BMPR1B: variants seen among roughly 807,000 people sequenced by gnomAD.
The protein encoded by BMPR1B is bone morphogenetic protein receptor type-1B.
In BMPR1B, 12 loss-of-function variants were observed where a neutral mutation model predicts 59.1. The observed-to-expected ratio is 0.20, with a 90% CI of 0.13 to 0.33. The LOEUF (loss-of-function observed/expected upper bound fraction) is 0.33, where lower values mean the gene tolerates loss of function less well. BMPR1B is among the 10% of genes least tolerant of loss of function. The probability of loss-of-function intolerance (pLI) is 1.00; values close to 1 mark genes in which losing one functional copy is unlikely to be tolerated. For synonymous variants in BMPR1B, 237 were observed against 207.3 expected, an observed-to-expected ratio of 1.14 and a Z score of -1.23; for missense variants, 550 against 610.9, an observed-to-expected ratio of 0.90 and a Z score of 1.05.
chr4:94,795,526 G>A (rs1294668984), intron 1 of BMPR1B, among the ~76,000 whole-genome samples: 3 of 151,872 alleles, frequency 2.0e-5, no homozygotes, highest in African/African-American at 7.3e-5. Context: ...GTGCAGTGGC[G>A]TGATCTCAGC....
chr4:94,865,153 G>T lies in BMPR1B; in HGVS notation c.-182-10678G>T, dbSNP rs185893005. On this transcript the variant is annotated intron_variant, in intron 1 of 12. Transcript: ENST00000515059. ...GCCTCCCGAGTAGCTGGGACTACAG[G>T]CATGTGCCACCGTGCCTGACTAATT... 9.3e-3 allele frequency among the ~76,000 whole-genome samples: 1,414 copies of T among 151,760 alleles called. 19 individuals carry two copies. Among genetic ancestry groups the T allele is most frequent in the African/African-American group, 0.032 (1,307 of 41,364 alleles).
intron 1 of BMPR1B, among the ~76,000 whole-genome samples, chr4:94,856,071 T>G (rs751851058): frequency 1.7e-3 from 254 of 152,288 alleles, no homozygotes; most frequent in Admixed American, 3.8e-3. Flanking sequence ...GCTAGAAATT[T>G]TGATGCATTT....
At chr4:94,951,032 C>T (rs1216171071) in intron 2 of BMPR1B, among the ~76,000 whole-genome samples, 7 of 151,946 alleles carry the variant, frequency 4.6e-5, no homozygotes, top group Admixed American at 4.6e-4. Flanking sequence ...TATTTTATTC[C>T]CTTTGTAGCA....
At position 94,875,913 on chromosome 4, in the gene BMPR1B, T is replaced by C. The variant is rs748910913; in HGVS notation, c.-113+13T>C. 2 of 152,668 alleles carry C rather than the reference T, an allele frequency of 1.3e-5. No individual in the cohort carries two copies. The highest frequency in any genetic ancestry group is 2.9e-5 in the Non-Finnish European group (2 of 68,040). The allele number at this position is 152,668 out of a possible 1,614,324, so 9.5% of individuals were successfully genotyped here. A position where few individuals can be genotyped will look rare whatever the true frequency, so the allele number is the denominator to read the frequency against. On this transcript the variant is annotated intron_variant, in intron 2 of 12. Transcript: ENST00000515059. ...CTTGTTGATAAAGGTAAGTTCATAGTAATTATTAAATAATTTGAGATGTTT... is the reference window on the plus strand; with the variant it reads ...CTTGTTGATAAAGGTAAGTTCATAGCAATTATTAAATAATTTGAGATGTTT...
At chr4:94,911,621 A>G (rs184952879) in intron 2 of BMPR1B, among the ~76,000 whole-genome samples, 13 of 152,276 alleles carry the variant, frequency 8.5e-5, no homozygotes, top group South Asian at 6.2e-4. Context: ...ATTTGAAGAG[A>G]TAATATAATA....
chr4:94,829,428 T>C (rs2110667905), intron 1 of BMPR1B, among the ~76,000 whole-genome samples: 1 of 150,366 alleles, frequency 6.7e-6, no homozygotes, highest in East Asian at 2.0e-4. Flanking sequence ...CACACGCCAC[T>C]ATGCCTGGAT....
Position 94,770,180 on chromosome 4 carries a change from G to GGTTTTTT in BMPR1B, c.-183+12112_-183+12113insGTTTTTT, listed in dbSNP as rs771544268. On this transcript the variant is annotated intron_variant, in intron 1 of 12. Coordinates refer to ENST00000515059, the MANE Select transcript of BMPR1B (RefSeq NM_001203.3). ...TTTGTTTGAATTGTCCTTCGTTTCT[G>GGTTTTTT]TGTTTGTTTTTTTTTTTTTTTTTTG... 6.7e-4 allele frequency among the ~76,000 whole-genome samples: 71 copies of GGTTTTTT among 106,270 alleles called. 1 individual carries two copies. Among genetic ancestry groups the GGTTTTTT allele is most frequent in the African/African-American group, 2.1e-3 (52 of 24,202 alleles). 69.7% of individuals were successfully genotyped at this position (106,270 alleles called of 152,430 possible). A position where few individuals can be genotyped will look rare whatever the true frequency, so the allele number is the denominator to read the frequency against.
At chr4:94,918,318 CAT>C (rs1435941917) in intron 2 of BMPR1B, among the ~76,000 whole-genome samples, 1 of 152,062 alleles carries the variant, frequency 6.6e-6, no homozygotes, top group East Asian at 1.9e-4. Flanking sequence ...TCATTATTCT[CAT>C]GTGTATCCTC....
chr4:95,133,231 C>T (rs1733506843), intron 10 of BMPR1B, among the ~76,000 whole-genome samples: 1 of 152,168 alleles, frequency 6.6e-6, no homozygotes, highest in Admixed American at 6.5e-5. Context: ...TTCTCTTTGT[C>T]TCTCCTATTT....
chr4:95,059,096 G>A (rs1307142155), intron 3 of BMPR1B, among the ~76,000 whole-genome samples: 3 of 152,122 alleles, frequency 2.0e-5, no homozygotes, highest in Non-Finnish European at 4.4e-5. Flanking sequence ...CAGCTCTTTG[G>A]GGGAATAGTT....
intron 1 of BMPR1B, among the ~76,000 whole-genome samples, chr4:94,851,936 C>A (rs1165705461): frequency 6.6e-6 from 1 of 152,148 alleles, no homozygotes; most frequent in Non-Finnish European, 1.5e-5. Flanking sequence ...CAGTGCCTGG[C>A]ATAATGTAGG....
At chr4:94,792,253 T>A (rs1723013830) in intron 1 of BMPR1B, among the ~76,000 whole-genome samples, 1 of 152,184 alleles carries the variant, frequency 6.6e-6, no homozygotes, top group Admixed American at 6.5e-5. Flanking sequence ...TAACATACTT[T>A]AAAAAACTCT....
chr4:94,887,307 A>G (rs561617961), intron 2 of BMPR1B, among the ~76,000 whole-genome samples: 1 of 151,766 alleles, frequency 6.6e-6, no homozygotes, highest in South Asian at 2.1e-4. Flanking sequence ...AAAAAAAGGA[A>G]AATAAAAAAT....
chr4:95,014,743 T>C (rs1007700580), intron 3 of BMPR1B, among the ~76,000 whole-genome samples: 7 of 152,222 alleles, frequency 4.6e-5, no homozygotes, highest in African/African-American at 1.4e-4. Flanking sequence ...TGATTAGATT[T>C]GTAGATTTTT....
intron 2 of BMPR1B, among the ~76,000 whole-genome samples, chr4:94,908,788 A>T (rs1728165788): frequency 6.6e-6 from 1 of 152,054 alleles, no homozygotes; most frequent in Non-Finnish European, 1.5e-5. Flanking sequence ...AAAACATTAT[A>T]AAAACCCTTA....
intron 2 of BMPR1B, among the ~76,000 whole-genome samples, chr4:94,899,966 T>G (rs1275516893): frequency 6.6e-6 from 1 of 151,942 alleles, no homozygotes; most frequent in Non-Finnish European, 1.5e-5. Flanking sequence ...ATTACCACCG[T>G]ACAGTTCTAG....
intron 2 of BMPR1B, among the ~76,000 whole-genome samples, chr4:94,916,900 G>C (rs539597561): frequency 6.6e-6 from 1 of 152,206 alleles, no homozygotes; most frequent in Admixed American, 6.5e-5. Flanking sequence ...TCGTGGGACA[G>C]GCCCAGGGAC....
chr4:95,089,290 G>A (rs1003789190), intron 3 of BMPR1B, among the ~76,000 whole-genome samples: 3 of 151,960 alleles, frequency 2.0e-5, no homozygotes, highest in African/African-American at 7.2e-5. Context: ...TTCTCACATA[G>A]CATCCCAGAT....
chr4:95,156,412 ATTTTTGAAAAT>A lies in BMPR1B; in HGVS notation c.*1742_*1752del, dbSNP rs1273265630. Reference sequence around the variant, plus strand: ...CCACTGGGTGATTGAAGGATGGAGGATTTTTGAAAATTTGACAGCTACATGAAACATGAGAA... The same window carrying A: ...CCACTGGGTGATTGAAGGATGGAGGATTGACAGCTACATGAAACATGAGAA... On this transcript the variant is annotated 3_prime_UTR_variant, in exon 13 of 13. Coordinates refer to ENST00000515059, the MANE Select transcript of BMPR1B (RefSeq NM_001203.3). 6.6e-6 allele frequency: 1 copy of A among 150,890 alleles called. No homozygotes were observed. The highest frequency in any genetic ancestry group is 1.5e-5 in the Non-Finnish European group (1 of 67,794). The allele number at this position is 150,890 out of a possible 1,614,324, so 9.3% of individuals were successfully genotyped here.
Sources: allele counts gnomAD v4.1 joint callset (sites outside exome capture counted in the v4.1 genomes callset), GRCh38; gene constraint gnomAD v4.1.1; transcripts MANE v1.5; gene names NCBI Gene and HGNC (gene_info 2026-07-23, HGNC 2026-07-21).